The following FOXP1 variants were observed in gnomAD, a reference collection of about 807,000 sequenced individuals.
FOXP1 encodes forkhead box P1.
A neutral mutation model predicts 98.2 loss-of-function variants in FOXP1; 15 were observed. The observed-to-expected ratio is 0.15, with a 90% CI of 0.10 to 0.24. FOXP1 has a LOEUF of 0.24. Among genes scored for constraint, FOXP1 ranks in the 10% least tolerant of loss-of-function variants. The pLI is 1.00. For synonymous variants in FOXP1, 371 were observed against 314.5 expected (o/e 1.18, Z -1.90); for missense variants, 633 against 848.5 (o/e 0.75, Z 3.15).
Position 70,982,369 on chromosome 3 carries a change from G to T in FOXP1, c.1147-4340C>A, listed in dbSNP as rs531306160. Among the ~76,000 whole-genome samples the T allele has an allele frequency of 2.2e-4, 34 of 152,232 alleles. No homozygotes were observed. The South Asian group carries it at 6.6e-3, about 30-fold the overall frequency. ...AAAGATAATTTTTTCTGGGGCATGG[G>T]GCAGGAAGGGAATGGACTGGGAGGG... On this transcript the variant is annotated intron_variant, in intron 14 of 20. Coordinates refer to ENST00000649528, the MANE Select transcript of FOXP1 (RefSeq NM_001349338.3).
At chr3:71,077,768 C>T (rs2053956579) in intron 7 of FOXP1, among the ~76,000 whole-genome samples, 1 of 152,022 alleles carries the variant, frequency 6.6e-6, no homozygotes, top group Non-Finnish European at 1.5e-5. Flanking sequence ...TTTCTATTTT[C>T]TCTTCTTTGC....
At chr3:71,250,745 G>GA (rs1449095883) in intron 5 of FOXP1, among the ~76,000 whole-genome samples, 1 of 152,066 alleles carries the variant, frequency 6.6e-6, no homozygotes, top group Non-Finnish European at 1.5e-5. Context: ...AGCCTGGCCA[G>GA]AATGATGAAA....
intron 20 of FOXP1, 48 bp from the exon 21 acceptor site, chr3:70,959,439 G>A (rs1271779731): frequency 6.2e-7 from 1 of 1,611,198 alleles, no homozygotes; most frequent in African/African-American, 1.3e-5. Flanking sequence ...CCAGCCCATT[G>A]CAGCTCAGGT....
At chr3:71,450,220 T>C (rs561744357) in intron 3 of FOXP1, among the ~76,000 whole-genome samples, 5 of 152,250 alleles carry the variant, frequency 3.3e-5, no homozygotes, top group Admixed American at 6.5e-5. Context: ...TGGTTAGAAA[T>C]GCTAAACAAA....
chr3:71,222,497 C>T (rs1332189198), intron 5 of FOXP1, among the ~76,000 whole-genome samples: 2 of 152,108 alleles, frequency 1.3e-5, no homozygotes, highest in Non-Finnish European at 2.9e-5. Flanking sequence ...CAGCTCACTG[C>T]AACCTCTGCC....
chr3:71,515,372 A>T (rs1166384935), intron 2 of FOXP1, among the ~76,000 whole-genome samples: 1 of 143,182 alleles, frequency 7.0e-6, no homozygotes, highest in Non-Finnish European at 1.5e-5. Context: ...ATGTGATTAA[A>T]TTTAAAAGAA....
chr3:71,257,995 G>T (rs143153277), intron 5 of FOXP1, among the ~76,000 whole-genome samples: 1 of 152,148 alleles, frequency 6.6e-6, no homozygotes, highest in Non-Finnish European at 1.5e-5. Context: ...TGCACAGTAG[G>T]CCCTCAACAA....
intron 3 of FOXP1, among the ~76,000 whole-genome samples, chr3:71,412,190 G>C (rs1266641206): frequency 2.7e-5 from 4 of 150,652 alleles, no homozygotes; most frequent in Non-Finnish European, 5.9e-5. Flanking sequence ...AGGGGATCTA[G>C]AGACACCTAG....
chr3:71,173,383 TCACACA>T (rs3064895), intron 6 of FOXP1, among the ~76,000 whole-genome samples: 3,050 of 143,256 alleles, frequency 0.021, 35 homozygotes, highest in Middle Eastern at 0.077. Flanking sequence ...AAGAAAAAAT[TCACACA>T]CACACACACA....
intron 6 of FOXP1, chr3:71,131,025 AT>A: frequency 1.6e-6 from 1 of 607,016 alleles, no homozygotes; most frequent in East Asian, 1.4e-4. Context: ...TTGTGGTGAC[AT>A]TTACATAGGC....
intron 2 of FOXP1, among the ~76,000 whole-genome samples, chr3:71,533,613 T>C (rs184939755): frequency 9.6e-4 from 146 of 152,314 alleles, no homozygotes; most frequent in African/African-American, 3.1e-3. Context: ...AACCCCATTA[T>C]TGTTCTGTGA....
rs1218136627 is a variant in FOXP1 at position 71,182,616 on chromosome 3, C to T, written c.180+15586G>A. Among the ~76,000 whole-genome samples, 5 of 150,956 alleles carry T rather than the reference C, an allele frequency of 3.3e-5. No homozygotes were observed. The East Asian group carries it at 9.7e-4, about 29-fold the overall frequency. On this transcript the variant is annotated intron_variant, in intron 6 of 20. Coordinates refer to ENST00000649528, the MANE Select transcript of FOXP1 (RefSeq NM_001349338.3). ...CAGTCATGGCTCACTGCAGTCTCAG[C>T]CTCCTGGGGCTCAAGTGATTCTCCC...
chr3:71,187,612 G>A (rs926126784), intron 6 of FOXP1, among the ~76,000 whole-genome samples: 4 of 152,000 alleles, frequency 2.6e-5, no homozygotes, highest in African/African-American at 9.7e-5. Flanking sequence ...TAATGATACA[G>A]TAAGTCTATA....
At chr3:71,145,827 T>C (rs2060282902) in intron 6 of FOXP1, among the ~76,000 whole-genome samples, 1 of 152,242 alleles carries the variant, frequency 6.6e-6, no homozygotes, top group Non-Finnish European at 1.5e-5. Flanking sequence ...TTGCCTCTTT[T>C]TAAACTGAGT....
intron 5 of FOXP1, among the ~76,000 whole-genome samples, chr3:71,228,765 T>A (rs1560150093): frequency 6.6e-6 from 1 of 152,186 alleles, no homozygotes; most frequent in African/African-American, 2.4e-5. Flanking sequence ...CACCCGAGAT[T>A]TATGTAGCCA....
chr3:71,411,421 TCTC>T (rs1319222843), intron 3 of FOXP1, among the ~76,000 whole-genome samples: 1 of 152,002 alleles, frequency 6.6e-6, no homozygotes, highest in Non-Finnish European at 1.5e-5. Flanking sequence ...TTCAAGCTAT[TCTC>T]CTGCCTCAAC....
At chr3:71,212,967 T>C (rs2064610714) in intron 5 of FOXP1, among the ~76,000 whole-genome samples, 1 of 144,924 alleles carries the variant, frequency 6.9e-6, no homozygotes, top group African/African-American at 2.6e-5. Context: ...TATATATATA[T>C]ATATATGAAT....
intron 14 of FOXP1, among the ~76,000 whole-genome samples, chr3:70,979,300 A>T (rs12486181): frequency 2.6e-5 from 3 of 115,124 alleles, no homozygotes; most frequent in Non-Finnish European, 3.9e-5. Flanking sequence ...AAAAAAAAAA[A>T]AAAAAAAAAA....
chr3:70,997,099 G>C (rs1190371384), intron 13 of FOXP1, among the ~76,000 whole-genome samples: 1 of 152,204 alleles, frequency 6.6e-6, no homozygotes, highest in Non-Finnish European at 1.5e-5. Context: ...TAGGCTTTGG[G>C]TCAGTAATGT....
Sources: allele counts gnomAD v4.1 joint callset (sites outside exome capture counted in the v4.1 genomes callset), GRCh38; gene constraint gnomAD v4.1.1; transcripts MANE v1.5; gene names NCBI Gene and HGNC (gene_info 2026-07-23, HGNC 2026-07-21).